MDGA2: variants seen among roughly 807,000 people sequenced by gnomAD.
MDGA2 encodes the protein MAM domain containing glycosylphosphatidylinositol anchor 2, also known as MAM domain-containing glycosylphosphatidylinositol anchor protein 2.
In MDGA2, 40 loss-of-function variants were observed where a neutral mutation model predicts 117.8. That is an observed-to-expected ratio of 0.34 (90% CI 0.26 to 0.44). MDGA2 has a LOEUF of 0.44. MDGA2 is among the 20% of genes least tolerant of loss of function. The pLI is 1.00. For missense variants in MDGA2, 1,123 were observed against 1,250.6 expected, an observed-to-expected ratio of 0.90 and a Z score of 1.54; for synonymous variants, 452 against 439.0, an observed-to-expected ratio of 1.03 and a Z score of -0.37.
At chr14:47,535,525 G>A (rs1325837683) in intron 1 of MDGA2, among the ~76,000 whole-genome samples, 1 of 152,220 alleles carries the variant, frequency 6.6e-6, no homozygotes, top group African/African-American at 2.4e-5. Flanking sequence ...AAGACTACAG[G>A]CCAGGGTTTA....
intron 1 of MDGA2, among the ~76,000 whole-genome samples, chr14:47,595,238 G>T (rs923520983): frequency 2.1e-5 from 3 of 144,030 alleles, no homozygotes; most frequent in Admixed American, 7.0e-5. Context: ...TAGCATTAGA[G>T]AAAAAAAAAA....
At chr14:47,498,796 G>C (rs779571124) in intron 1 of MDGA2, among the ~76,000 whole-genome samples, 2 of 152,072 alleles carry the variant, frequency 1.3e-5, no homozygotes, top group African/African-American at 4.8e-5. Flanking sequence ...AAAGCATATA[G>C]TACTAATGAG....
At chr14:47,262,490 T>C (rs1887828341) in intron 2 of MDGA2, among the ~76,000 whole-genome samples, 2 of 152,206 alleles carry the variant, frequency 1.3e-5, no homozygotes, top group Admixed American at 6.5e-5. Context: ...TATTATTAAA[T>C]AGTATGTGCA....
At chr14:47,494,917 T>C (rs949292709) in intron 1 of MDGA2, among the ~76,000 whole-genome samples, 2 of 149,708 alleles carry the variant, frequency 1.3e-5, no homozygotes, top group Admixed American at 6.7e-5. Flanking sequence ...TGTGTATATG[T>C]GTATATATAT....
At chr14:47,002,228 A>T (rs1257980763) in intron 8 of MDGA2, among the ~76,000 whole-genome samples, 1 of 152,168 alleles carries the variant, frequency 6.6e-6, no homozygotes, top group African/African-American at 2.4e-5. Flanking sequence ...ATAGAAAATC[A>T]GATTGAATAA....
At chr14:47,004,338 C>A (rs1887637227) in intron 8 of MDGA2, among the ~76,000 whole-genome samples, 1 of 151,796 alleles carries the variant, frequency 6.6e-6, no homozygotes, top group Non-Finnish European at 1.5e-5. Flanking sequence ...AAACACTATC[C>A]TTTCTCAGCT....
intron 7 of MDGA2, among the ~76,000 whole-genome samples, chr14:47,057,217 T>G (rs1889708593): frequency 6.6e-6 from 1 of 152,120 alleles, no homozygotes; most frequent in Admixed American, 6.6e-5. Flanking sequence ...AAGTTTTAAC[T>G]CAAATGTCAT....
At chr14:46,845,009 G>A (rs1880772399) in intron 16 of MDGA2, among the ~76,000 whole-genome samples, 1 of 152,074 alleles carries the variant, frequency 6.6e-6, no homozygotes. Flanking sequence ...GGCCTCCCGA[G>A]TAGCTGGGAC....
chr14:47,635,203 T>C lies in MDGA2; in HGVS notation c.280+39314A>G, dbSNP rs149720002. On this transcript the variant is annotated intron_variant, in intron 1 of 16. Coordinates refer to ENST00000399232, the MANE Select transcript of MDGA2 (RefSeq NM_001113498.3). Reference sequence around the variant, plus strand: ...GTACTCTACAAAGCATGGCAAGAAATAAATTTTATGTTGTTTTTCTAAGAG... The same window carrying C: ...GTACTCTACAAAGCATGGCAAGAAACAAATTTTATGTTGTTTTTCTAAGAG... Among the ~76,000 whole-genome samples, 12 of 152,186 alleles carry C rather than the reference T, an allele frequency of 7.9e-5. 1 individual carries two copies. The East Asian group carries it at 2.1e-3, about 27-fold the overall frequency.
At chr14:47,621,311 G>T (rs766180771) in intron 1 of MDGA2, among the ~76,000 whole-genome samples, 7 of 151,810 alleles carry the variant, frequency 4.6e-5, no homozygotes, top group Non-Finnish European at 8.8e-5. Context: ...AACATGCATG[G>T]GAGATTCTGC....
At position 47,297,370 on chromosome 14, in the gene MDGA2, T is replaced by G. The variant is rs562412286; in HGVS notation, c.420+4041A>C. 2.0e-5 allele frequency among the ~76,000 whole-genome samples: 3 copies of G among 151,040 alleles called. No homozygotes were observed. The South Asian group carries it at 6.3e-4, about 32-fold the overall frequency. On this transcript the variant is annotated intron_variant, in intron 2 of 16. Transcript: ENST00000399232. ...TATATTTATAATGTATTTAAATTAT[T>G]GACGTGACAATTTTGAGAGAGAAAG...
chr14:47,278,229 A>G (rs1888367236), intron 2 of MDGA2, among the ~76,000 whole-genome samples: 1 of 152,208 alleles, frequency 6.6e-6, no homozygotes, highest in South Asian at 2.1e-4. Flanking sequence ...AATTCAATAC[A>G]TAAAGTAAGA....
intron 3 of MDGA2, among the ~76,000 whole-genome samples, chr14:47,158,635 A>T (rs111370073): frequency 6.6e-6 from 1 of 151,962 alleles, no homozygotes; most frequent in East Asian, 1.9e-4. Flanking sequence ...TTGTATTTGT[A>T]GTAGAGACGG....
chr14:46,955,221 A>C (rs756486730), intron 9 of MDGA2, among the ~76,000 whole-genome samples: 5 of 151,962 alleles, frequency 3.3e-5, no homozygotes, highest in Admixed American at 6.6e-5. Context: ...AGTAATATAG[A>C]TAATACTTGG....
intron 6 of MDGA2, among the ~76,000 whole-genome samples, chr14:47,094,342 T>C (rs1879841441): frequency 6.6e-6 from 1 of 152,044 alleles, no homozygotes; most frequent in Non-Finnish European, 1.5e-5. Context: ...TTCAGGTCTT[T>C]CATGTCAAAG....
chr14:46,961,486 G>T (rs1284185587), intron 8 of MDGA2, among the ~76,000 whole-genome samples: 1 of 151,972 alleles, frequency 6.6e-6, no homozygotes, highest in Non-Finnish European at 1.5e-5. Context: ...AATATATATT[G>T]TGTATTAATT....
At chr14:47,156,717 A>T (rs1450024927) in intron 3 of MDGA2, among the ~76,000 whole-genome samples, 1 of 152,208 alleles carries the variant, frequency 6.6e-6, no homozygotes, top group Non-Finnish European at 1.5e-5. Flanking sequence ...CACACTAAAA[A>T]CTATATTGGA....
intron 1 of MDGA2, among the ~76,000 whole-genome samples, chr14:47,341,063 G>C (rs1315494854): frequency 6.6e-6 from 1 of 152,060 alleles, no homozygotes; most frequent in African/African-American, 2.4e-5. Context: ...CATTTTAACA[G>C]CAGCTTGTTG....
intron 9 of MDGA2, among the ~76,000 whole-genome samples, chr14:46,946,550 C>A (rs1595061796): frequency 6.6e-6 from 1 of 151,972 alleles, no homozygotes; most frequent in East Asian, 1.9e-4. Context: ...ATATTAATGG[C>A]CTGAAATATT....
Sources: allele counts gnomAD v4.1 joint callset (sites outside exome capture counted in the v4.1 genomes callset), GRCh38; gene constraint gnomAD v4.1.1; transcripts MANE v1.5; gene names NCBI Gene and HGNC (gene_info 2026-07-23, HGNC 2026-07-21).